Variants in HRC observed in about 807,000 individuals in gnomAD.
HRC encodes sarcoplasmic reticulum histidine-rich calcium-binding protein.
Under a neutral mutation model 61.4 loss-of-function variants are expected in HRC, and 41 were observed. The observed-to-expected ratio is 0.67, with a 90% CI of 0.52 to 0.87. The LOEUF is 0.87. HRC is among the 40% of genes least tolerant of loss of function. The pLI, the probability that HRC is intolerant of heterozygous loss-of-function variation, is 0.00. For synonymous variants in HRC, 308 were observed against 326.6 expected (o/e 0.94, Z 0.62); for missense variants, 839 against 885.8 (o/e 0.95, Z 0.67).
chr19:49,154,369 T>C lies in HRC; in HGVS notation c.869A>G (p.His290Arg), dbSNP rs151175963. 3.6e-5 allele frequency: 58 copies of C among 1,605,280 alleles called. No homozygotes were observed. In the African/African-American group the frequency reaches 8.0e-4, roughly 22 times the overall value. The change falls in exon 1 of 6, where the codon CAT becomes CGT. Residue 290 changes from histidine (H) to arginine (R), a missense_variant. By Grantham distance (29) the His-to-Arg change is conservative (BLOSUM62 0). Coordinates refer to ENST00000252825, the MANE Select transcript of HRC (RefSeq NM_002152.3). ...EDEDVSDGHH[H>R]RDPSHRHRSH... ...TCGGTGCCTGTGGCTGGGGTCGCGA[T>C]GATGGTGTCCATCTGAGACATCTTC... is the stretch of plus-strand genomic sequence containing the variant.
intron 4 of HRC, 107 bp from the exon 5 acceptor site, chr19:49,151,660 T>A: frequency 1.0e-6 from 1 of 989,722 alleles, no homozygotes. Flanking sequence ...TCCTTTTCCC[T>A]AATTCCTTCT....
chr19:49,151,372 A>G, intron 5 of HRC, 40 bp from the exon 6 acceptor site: 1 of 1,557,184 alleles, frequency 6.4e-7, no homozygotes, highest in African/African-American at 1.4e-5. Flanking sequence ...GCTGGTGTTC[A>G]AAGCCCACCC....
At position 49,155,229 on chromosome 19, in the gene HRC, G is replaced by T. The variant is rs1359825430; in HGVS notation, c.9C>A (p.His3Gln). MG[H>Q]HRPWLHASVL... is the part of the protein sequence containing the mutation. ...CAGAAGCGTGCAGCCATGGCCTATG[G>T]TGGCCCATGGGGACGGACAGGCAGC... is the stretch of plus-strand genomic sequence containing the variant. Residue 3 changes from histidine to glutamine, a missense_variant, in exon 1 of 6, where the codon CAC becomes CAA. By Grantham distance (24) the His-to-Gln change is conservative (BLOSUM62 0). Transcript: ENST00000252825. The surrounding 1 kb of genome is among the most constrained non-coding windows in gnomAD (Gnocchi z 4.7). The T allele has an allele frequency of 6.3e-7, 1 of 1,598,840 alleles. No individual in the cohort carries two copies. The highest frequency in any genetic ancestry group is 8.5e-7 in the Non-Finnish European group (1 of 1,175,064).
At position 49,155,287 on chromosome 19, in the gene HRC, C is replaced by T. The variant is rs2041416108; in HGVS notation, c.-50G>A. The stretch of plus-strand genomic sequence containing the variant: ...CCAGCTGCCTCTGCGGCAATGTGGA[C>T]AAACGTTGGGGTCTTTGTCCCTTTG... On this transcript the variant is annotated 5_prime_UTR_variant, in exon 1 of 6. Coordinates refer to ENST00000252825, the MANE Select transcript of HRC (RefSeq NM_002152.3). The surrounding 1 kb of genome is among the most constrained non-coding windows in gnomAD (Gnocchi z 4.7). 6 of 1,535,088 alleles carry T rather than the reference C, an allele frequency of 3.9e-6. No homozygotes were observed. The highest frequency in any genetic ancestry group is 4.7e-4 in the Middle Eastern group (2 of 4,222).
rs1381602654 is a variant in HRC, at chr19:49,154,277, G to C, written c.961C>G (p.His321Asp). The C allele has an allele frequency of 1.9e-6, 3 of 1,613,412 alleles. No individual in the cohort carries two copies. Among genetic ancestry groups the C allele is most frequent in the Non-Finnish European group, 2.5e-6 (3 of 1,179,820 alleles). Residue 321 changes from histidine (H) to aspartate (D), a missense_variant, in exon 1 of 6, where the codon CAC becomes GAC. Coordinates refer to ENST00000252825, the MANE Select transcript of HRC (RefSeq NM_002152.3). Reference protein sequence around the residue: ...STEYGHQAHRHQDHRKEEVEA... With the variant: ...STEYGHQAHRDQDHRKEEVEA... The stretch of plus-strand genomic sequence containing the variant: ...ACCTCTTCCTTTCTGTGGTCTTGGT[G>C]CCTGTGGGCCTGGTGTCCATACTCA...
At position 49,153,195 on chromosome 19, in the gene HRC, C is replaced by A; in HGVS notation, c.1902+66G>T. On this transcript the variant is annotated intron_variant, in intron 2 of 5. Coordinates refer to ENST00000252825, the MANE Select transcript of HRC (RefSeq NM_002152.3). The surrounding 1 kb of genome is among the most constrained non-coding windows in gnomAD (Gnocchi z 4.8). Reference sequence around the variant, plus strand: ...CTTGCTCTGAGCCCTCCCACAGCACCACCCCAGGGCCCCTGGGACAGATTC... The same window carrying A: ...CTTGCTCTGAGCCCTCCCACAGCACAACCCCAGGGCCCCTGGGACAGATTC... 2 of 1,269,010 alleles carry A rather than the reference C, an allele frequency of 1.6e-6. No homozygotes were observed. The highest frequency in any genetic ancestry group is 2.3e-6 in the Non-Finnish European group (2 of 872,154). The allele number at this position is 1,269,010 out of a possible 1,614,324, so 78.6% of individuals were successfully genotyped here.
chr19:49,154,367 G>T lies in HRC; in HGVS notation c.871C>A (p.Arg291Ser), dbSNP rs897936068. The T allele has an allele frequency of 1.2e-6, 2 of 1,603,844 alleles. No homozygotes were observed. The highest frequency in any genetic ancestry group is 2.9e-5 in the African/African-American group (2 of 68,310). Residue 291 changes from arginine (R) to serine (S), a missense_variant, in exon 1 of 6, where the codon CGC becomes AGC. Arg to Ser is a moderately radical substitution (Grantham distance 110). Coordinates refer to ENST00000252825, the MANE Select transcript of HRC (RefSeq NM_002152.3). ...DEDVSDGHHH[R>S]DPSHRHRSHE... ...CTTCGGTGCCTGTGGCTGGGGTCGC[G>T]ATGATGGTGTCCATCTGAGACATCT... is the stretch of plus-strand genomic sequence containing the variant.
At chr19:49,152,092 G>C (rs750876734) in intron 3 of HRC, 34 bp from the exon 4 acceptor site, 3 of 1,599,750 alleles carry the variant, frequency 1.9e-6, no homozygotes, top group Non-Finnish European at 2.6e-6. Flanking sequence ...GAGTGAGCGT[G>C]GGGCGTGGCC....
rs984294158 is a variant in HRC, at chr19:49,151,423, G to C, written c.2064-91C>G. On this transcript the variant is annotated intron_variant, in intron 5 of 5. Coordinates refer to ENST00000252825, the MANE Select transcript of HRC (RefSeq NM_002152.3). ...TCATTAACCTGCCCATTTCATGGACGGGGAAATGGAGTCCCAGAGTCATCT... is the reference window on the plus strand; with the variant it reads ...TCATTAACCTGCCCATTTCATGGACCGGGAAATGGAGTCCCAGAGTCATCT... 32 of 1,566,520 alleles carry C rather than the reference G, an allele frequency of 2.0e-5. No homozygotes were observed. In the African/African-American group the frequency reaches 3.5e-4, roughly 17 times the overall value.
At position 49,153,571 on chromosome 19, in the gene HRC, G is replaced by C; in HGVS notation, c.1667C>G (p.Ala556Gly). 6.5e-7 allele frequency: 1 copy of C among 1,543,226 alleles called. No homozygotes were observed. The highest frequency in any genetic ancestry group is 1.2e-5 in the South Asian group (1 of 83,792). ...TGGGCTCAGTGGGGCCCCAACCTCAGCCCTCTCTTCCCTCCTCTCCTCGTC... is the reference window on the plus strand; with the variant it reads ...TGGGCTCAGTGGGGCCCCAACCTCACCCCTCTCTTCCCTCCTCTCCTCGTC... ...EEDEERREERAEVGAPLSPDH... is the reference protein window; with the variant it reads ...EEDEERREERGEVGAPLSPDH... The change falls in exon 1 of 6, where the codon GCT (alanine) becomes GGT (glycine). Residue 556 changes from alanine (A) to glycine (G), a missense_variant. Transcript: ENST00000252825. This position sits in a 1 kb window ranked among gnomAD's most constrained non-coding sequence, Gnocchi z 4.8.
At chr19:49,151,848 A>T in intron 4 of HRC, 156 bp downstream of exon 4, 1 of 734,254 alleles carries the variant, frequency 1.4e-6, no homozygotes, top group Non-Finnish European at 2.3e-6. Context: ...GTGTTCCTCG[A>T]GCCAGGCCCC....
Position 49,154,720 on chromosome 19 carries a change from T to G in HRC, c.518A>C (p.His173Pro). Residue 173 changes from histidine to proline, a missense_variant, in exon 1 of 6, where the codon CAT (histidine) becomes CCT (proline). By Grantham distance (77) the His-to-Pro change is moderately conservative (BLOSUM62 -2). Coordinates refer to ENST00000252825, the MANE Select transcript of HRC (RefSeq NM_002152.3). The stretch of plus-strand genomic sequence containing the variant: ...TCCATGCCTGAGGATATGATGGTGA[T>G]GCTCACTGGACACAACTTCATCCTC... ...EDEDEVVSSEHHHHILRHGHR... is the reference protein window; with the variant it reads ...EDEDEVVSSEPHHHILRHGHR... 1 of 1,614,152 alleles carries G rather than the reference T, an allele frequency of 6.2e-7. No homozygotes were observed. Among genetic ancestry groups the G allele is most frequent in the Non-Finnish European group, 8.5e-7 (1 of 1,180,014 alleles).
intron 2 of HRC, 36 bp from the exon 3 acceptor site, chr19:49,152,414 T>C: frequency 6.3e-7 from 1 of 1,589,788 alleles, no homozygotes. Flanking sequence ...ATGGAAACTC[T>C]AACGCCACTT....
chr19:49,154,350 CCTGTGG>C lies in HRC; in HGVS notation c.882_887del (p.Ser294_His295del), dbSNP rs760908692. 145 of 1,589,020 alleles carry C rather than the reference CCTGTGG, an allele frequency of 9.1e-5. 1 individual carries two copies. The highest frequency in any genetic ancestry group is 1.1e-4 in the Non-Finnish European group (126 of 1,174,768). ...TGTCATCTTCTTCATGGCTTCGGTGCCTGTGGCTGGGGTCGCGATGATGGTGTCCAT... is the reference window on the plus strand; with the variant it reads ...TGTCATCTTCTTCATGGCTTCGGTGCCTGGGGTCGCGATGATGGTGTCCAT... On this transcript the variant is annotated inframe_deletion, in exon 1 of 6. Coordinates refer to ENST00000252825, the MANE Select transcript of HRC (RefSeq NM_002152.3).
chr19:49,154,016 C>G lies in HRC; in HGVS notation c.1222G>C (p.Asp408His). The change falls in exon 1 of 6, where the codon GAT becomes CAT. Residue 408 changes from aspartate (D) to histidine (H), a missense_variant. Transcript: ENST00000252825. ...TGAGGGACTTCTGTTTTATACTCAT[C>G]TTGGAAGTCCTCTTCATCACTCTTG... ...GHKSDEEDFQDEYKTEVPHHH... is the reference protein window; with the variant it reads ...GHKSDEEDFQHEYKTEVPHHH... 3.1e-6 allele frequency: 5 copies of G among 1,614,044 alleles called. No homozygotes were observed. Among genetic ancestry groups the G allele is most frequent in the South Asian group, 2.2e-5 (2 of 91,070 alleles).
Position 49,155,061 on chromosome 19 carries a change from G to A in HRC, c.177C>T (p.His59=). 6.2e-7 allele frequency: 1 copy of A among 1,614,212 alleles called. No homozygotes were observed. The highest frequency in any genetic ancestry group is 8.5e-7 in the Non-Finnish European group (1 of 1,180,044). The change falls in exon 1 of 6, where the codon CAC becomes CAT. Residue 59 remains histidine (H), a synonymous_variant. Coordinates refer to ENST00000252825, the MANE Select transcript of HRC (RefSeq NM_002152.3). This position sits in a 1 kb window ranked among gnomAD's most constrained non-coding sequence, Gnocchi z 4.7. ...GATGGTCTCTAGGGCTGTGGAGGTG[G>A]TGGCGAAGCTCTGCTGATGCCTCCT... ...LSEEASAELR[H]HLHSPRDHPD... is the part of the protein sequence containing the mutation.
Position 49,154,398 on chromosome 19 carries a change from C to G in HRC, c.840G>C (p.Glu280Asp). The G allele has an allele frequency of 6.2e-7, 1 of 1,611,368 alleles. No homozygotes were observed. The highest frequency in any genetic ancestry group is 8.5e-7 in the Non-Finnish European group (1 of 1,179,692). The stretch of plus-strand genomic sequence containing the variant: ...GGTGTCCATCTGAGACATCTTCATC[C>G]TCTTCAATCCCGTGGCCTTGGTGCC... ...AHRHQGHGIEEDEDVSDGHHH... is the reference protein window; with the variant it reads ...AHRHQGHGIEDDEDVSDGHHH... The change falls in exon 1 of 6, where the codon GAG becomes GAC. Residue 280 changes from glutamate (E) to aspartate (D), a missense_variant. Glu to Asp is a conservative substitution (Grantham distance 45). Coordinates refer to ENST00000252825, the MANE Select transcript of HRC (RefSeq NM_002152.3).
chr19:49,153,883 TG>T lies in HRC; in HGVS notation c.1354del (p.His452MetfsTer10), dbSNP rs1853883080. On this transcript the variant is annotated frameshift_variant, in exon 1 of 6. Transcript: ENST00000252825. LOFTEE classifies it high-confidence loss of function. The surrounding 1 kb of genome is among the most constrained non-coding windows in gnomAD (Gnocchi z 4.8). ...RQSHQDEETG[H>X]GQRGSIKEMS... ...CTCTTTGATGGACCCTCTTTGACCA[TG>T]GCCAGTTTCTTCATCTTGGTGGCTT... is the stretch of plus-strand genomic sequence containing the variant. 4 of 1,614,154 alleles carry T rather than the reference TG, an allele frequency of 2.5e-6. No individual in the cohort carries two copies. Among genetic ancestry groups the T allele is most frequent in the Admixed American group, 3.3e-5 (2 of 60,010 alleles).
chr19:49,155,097 G>T lies in HRC; in HGVS notation c.141C>A (p.Ala47=), dbSNP rs780606171. The T allele has an allele frequency of 6.2e-7, 1 of 1,614,130 alleles. No individual in the cohort carries two copies. Among genetic ancestry groups the T allele is most frequent in the East Asian group, 2.2e-5 (1 of 44,884 alleles). ...FRNRNNSTGV[A]GLSEEASAEL... The stretch of plus-strand genomic sequence containing the variant: ...CTGCTGATGCCTCCTCGGAGAGCCC[G>T]GCGACTCCAGTGCTGTTGTTCCGGT... Residue 47 remains alanine, a synonymous_variant, in exon 1 of 6, where the codon GCC becomes GCA. Transcript: ENST00000252825. The surrounding 1 kb of genome is among the most constrained non-coding windows in gnomAD (Gnocchi z 4.7).
Sources: gnomAD v4.1 joint callset for allele counts on GRCh38, gnomAD v4.1.1 for gene constraint, Gnocchi (gnomAD v3.1) non-coding constraint, MANE v1.5 for transcripts, NCBI Gene and HGNC (gene_info 2026-07-23, HGNC 2026-07-21) for gene names.